Variants in BANP observed in about 807,000 individuals in gnomAD.
BANP encodes the protein protein BANP.
Under a neutral mutation model 68.1 loss-of-function variants are expected in BANP, and 11 were observed. The observed-to-expected ratio is 0.16, with a 90% CI of 0.10 to 0.27. BANP has a LOEUF of 0.27. Ranked by LOEUF, BANP falls within the 10% of genes least tolerant of loss-of-function variation. The pLI, the probability that BANP is intolerant of heterozygous loss-of-function variation, is 1.00. For synonymous variants in BANP, 329 were observed against 303.2 expected (o/e 1.09, Z -0.88); for missense variants, 504 against 722.7 (o/e 0.70, Z 3.47).
chr16:88,044,140 TC>T (rs2081421314), intron 11 of BANP, among the ~76,000 whole-genome samples: 1 of 152,236 alleles, frequency 6.6e-6, no homozygotes, highest in African/African-American at 2.4e-5. Context: ...CTGGGCAGAC[TC>T]CCTATAAAGG....
upstream of BANP, chr16:87,951,417 G>C (rs2056810728): frequency 6.6e-6 from 1 of 151,624 alleles, no homozygotes; most frequent in African/African-American, 2.4e-5. Context: ...GCGGGGAGGG[G>C]CTCGCGGCGC....
chr16:88,055,234 T>G (rs759996645), intron 11 of BANP, among the ~76,000 whole-genome samples: 1 of 152,152 alleles, frequency 6.6e-6, no homozygotes, highest in Non-Finnish European at 1.5e-5. Context: ...TAGGAGGTAT[T>G]TTGTGTATGT....
chr16:88,072,297 T>C, intron 13 of BANP, 85 bp downstream of exon 13: 2 of 1,460,556 alleles, frequency 1.4e-6, no homozygotes, highest in Non-Finnish European at 1.8e-6. Context: ...CCCCGGGGCT[T>C]TCTCGTGACT....
At chr16:88,012,058 C>A (rs6540142) in intron 6 of BANP, among the ~76,000 whole-genome samples, 142,249 of 152,240 alleles carry the variant, frequency 0.93, 67,244 homozygotes, top group East Asian at 1. Flanking sequence ...TTGTGGGGCA[C>A]ATAATTATGA....
intron 11 of BANP, among the ~76,000 whole-genome samples, chr16:88,039,138 T>C (rs542303373): frequency 2.6e-5 from 4 of 152,226 alleles, no homozygotes; most frequent in Admixed American, 1.3e-4. Flanking sequence ...CAGAACTGGT[T>C]TATGTCAGAG....
At chr16:87,961,221 C>T (rs530503000) in intron 1 of BANP, among the ~76,000 whole-genome samples, 1 of 152,340 alleles carries the variant, frequency 6.6e-6, no homozygotes, top group African/African-American at 2.4e-5. Flanking sequence ...ACACTTGTTG[C>T]GTGTTGGTGT....
chr16:87,969,127 CG>C (rs1441363408), intron 1 of BANP, among the ~76,000 whole-genome samples: 1 of 152,166 alleles, frequency 6.6e-6, no homozygotes, highest in East Asian at 1.9e-4. Flanking sequence ...AGCCGCTTTT[CG>C]GGGGCTCTTG....
At chr16:88,075,073 C>T (rs1373224604) in intron 13 of BANP, among the ~76,000 whole-genome samples, 2 of 152,128 alleles carry the variant, frequency 1.3e-5, no homozygotes, top group South Asian at 2.1e-4. Flanking sequence ...GGGCCGGGCA[C>T]GGTAGCTCAC....
intron 13 of BANP, 142 bp downstream of exon 13, chr16:88,072,354 G>T (rs1599149881): frequency 5.0e-6 from 5 of 1,008,718 alleles, no homozygotes; most frequent in Middle Eastern, 3.3e-4. Flanking sequence ...CCCATCTGAG[G>T]GTTCTACGTC....
chr16:87,977,427 A>AAAAT (rs1307263411), intron 2 of BANP, among the ~76,000 whole-genome samples: 1 of 151,738 alleles, frequency 6.6e-6, no homozygotes, highest in Non-Finnish European at 1.5e-5. Flanking sequence ...TCAAAAAAAA[A>AAAAT]AACAAAACCT....
intron 12 of BANP, among the ~76,000 whole-genome samples, chr16:88,066,591 C>G (rs192988321): frequency 1.3e-5 from 2 of 152,284 alleles, no homozygotes; most frequent in East Asian, 3.9e-4. Flanking sequence ...GTGTTGTTCA[C>G]AAAAAGTAAA....
In BANP at chr16:88,018,126, C is replaced by T. The variant is rs1416456572; in HGVS notation, c.656-302C>T. On this transcript the variant is annotated intron_variant, in intron 6 of 13. Coordinates refer to ENST00000682872, the MANE Select transcript of BANP (RefSeq NM_001386991.1). This position sits in a 1 kb window ranked among gnomAD's most constrained non-coding sequence, Gnocchi z 7.7. ...CAAGGATATCGGTATTGCTGGGGTC[C>T]CGGGTCCAGGGTGAGCAGAGTGTGT... 1.3e-5 allele frequency among the ~76,000 whole-genome samples: 2 copies of T among 151,934 alleles called. No homozygotes were observed. Among genetic ancestry groups the T allele is most frequent in the Admixed American group, 1.3e-4 (2 of 15,250 alleles).
chr16:87,995,619 T>G (rs2066975685), intron 4 of BANP, among the ~76,000 whole-genome samples: 1 of 152,346 alleles, frequency 6.6e-6, no homozygotes, highest in African/African-American at 2.4e-5. Flanking sequence ...GATGCCTACC[T>G]GGCGGCAGAG....
At chr16:88,035,901 C>G (rs1345992706) in intron 10 of BANP, among the ~76,000 whole-genome samples, 1 of 152,232 alleles carries the variant, frequency 6.6e-6, no homozygotes, top group Admixed American at 6.5e-5. Flanking sequence ...CCTTGACGCA[C>G]CTGCTGGGTC....
In BANP at chr16:87,981,060, C is replaced by T. The variant is rs770356115; in HGVS notation, c.95C>T (p.Thr32Ile). The T allele has an allele frequency of 6.2e-7, 1 of 1,613,726 alleles. No homozygotes were observed. The highest frequency in any genetic ancestry group is 8.5e-7 in the Non-Finnish European group (1 of 1,179,752). Residue 32 changes from threonine (T) to isoleucine (I), a missense_variant, in exon 3 of 14, where the codon ACA (threonine) becomes ATA (isoleucine). Thr to Ile is a moderately conservative substitution (Grantham distance 89, BLOSUM62 -1). Around this residue, in one of 3 missense-constraint regions of BANP, gnomAD observed 238 missense variants for 278.9 expected, o/e 0.85. Coordinates refer to ENST00000682872, the MANE Select transcript of BANP (RefSeq NM_001386991.1). ...GTTGTTTTGGAGAATCATGTAGTGA[C>T]AGATGAAGACGAACCTGCTTTGAAA... is the stretch of plus-strand genomic sequence containing the variant. Reference protein sequence around the residue: ...HPVVLENHVVTDEDEPALKRQ... With the variant: ...HPVVLENHVVIDEDEPALKRQ...
At chr16:87,981,779 C>G (rs1413090535) in intron 3 of BANP, among the ~76,000 whole-genome samples, 1 of 152,244 alleles carries the variant, frequency 6.6e-6, no homozygotes. Flanking sequence ...TGATGAATGA[C>G]TTCTGTGTCT....
intron 2 of BANP, among the ~76,000 whole-genome samples, chr16:87,977,551 G>C (rs1422831107): frequency 6.6e-6 from 1 of 152,242 alleles, no homozygotes; most frequent in East Asian, 1.9e-4. Context: ...TGCATTCATA[G>C]TGGGTTTAAA....
intron 2 of BANP, among the ~76,000 whole-genome samples, chr16:87,975,820 AC>A (rs2061998845): frequency 1.2e-5 from 1 of 85,274 alleles, no homozygotes; most frequent in African/African-American, 3.7e-5. Context: ...GCGTCATGGA[AC>A]CTTATCATGT....
intron 3 of BANP, chr16:87,982,740 G>C (rs2063518224): frequency 6.6e-6 from 1 of 152,298 alleles, no homozygotes; most frequent in Non-Finnish European, 1.5e-5. Context: ...GTGGTGACCT[G>C]AGAAAAGGCG....
Sources: allele counts gnomAD v4.1 joint callset (sites outside exome capture counted in the v4.1 genomes callset), GRCh38; gene constraint gnomAD v4.1.1; regional missense constraint gnomAD v4.1.1; non-coding constraint Gnocchi (gnomAD v3.1); transcripts MANE v1.5; gene names NCBI Gene and HGNC (gene_info 2026-07-23, HGNC 2026-07-21).